RANBP17: variants seen among roughly 807,000 people sequenced by gnomAD.
RANBP17 encodes ran-binding protein 17.
Under a neutral mutation model 141.2 loss-of-function variants are expected in RANBP17, and 158 were observed. The observed-to-expected ratio is 1.12, with a 90% CI of 0.98 to 1.28. The LOEUF is 1.28. Ranked by LOEUF, RANBP17 falls within the 50% of genes most tolerant of loss-of-function variation. The pLI is 0.00. For synonymous variants in RANBP17, 430 were observed against 450.0 expected (o/e 0.96, Z 0.56); for missense variants, 1,438 against 1,290.7 (o/e 1.11, Z -1.75).
intron 14 of RANBP17, among the ~76,000 whole-genome samples, chr5:171,126,676 G>C (rs1581691448): frequency 6.6e-6 from 1 of 152,086 alleles, no homozygotes; most frequent in South Asian, 2.1e-4. Flanking sequence ...AGGATCATTT[G>C]AGACCATTAT....
chr5:171,098,423 C>T (rs1786861682), intron 14 of RANBP17, among the ~76,000 whole-genome samples: 1 of 152,162 alleles, frequency 6.6e-6, no homozygotes, highest in Non-Finnish European at 1.5e-5. Flanking sequence ...TTGTTGGCCA[C>T]ATAAATTTCT....
chr5:170,883,275 A>G (rs1044599324), intron 3 of RANBP17, among the ~76,000 whole-genome samples: 2 of 152,240 alleles, frequency 1.3e-5, no homozygotes, highest in African/African-American at 4.8e-5. Context: ...CATCTTTTAA[A>G]TAGACTTAAT....
intron 14 of RANBP17, among the ~76,000 whole-genome samples, chr5:171,148,489 T>G (rs149900715): frequency 6.8e-4 from 104 of 152,300 alleles, no homozygotes; most frequent in African/African-American, 2.4e-3. Context: ...AGTACGAATT[T>G]TTGATAGTAT....
intron 24 of RANBP17, among the ~76,000 whole-genome samples, chr5:171,254,265 AT>A (rs1261388361): frequency 4.1e-5 from 6 of 145,518 alleles, no homozygotes; most frequent in South Asian, 2.2e-4. Flanking sequence ...AAAAAAAAAA[AT>A]TCCTGTAGTT....
chr5:170,923,871 T>A (rs1173359221), intron 11 of RANBP17, among the ~76,000 whole-genome samples: 1 of 152,226 alleles, frequency 6.6e-6, no homozygotes, highest in Non-Finnish European at 1.5e-5. Flanking sequence ...ACTTACCTAT[T>A]AGTTTGAGTA....
intron 14 of RANBP17, among the ~76,000 whole-genome samples, chr5:171,074,015 C>G (rs1784774228): frequency 6.6e-6 from 1 of 152,064 alleles, no homozygotes; most frequent in Non-Finnish European, 1.5e-5. Context: ...ATACTATCCC[C>G]TTCTGGAGGT....
chr5:171,020,779 G>A (rs1780798489), intron 14 of RANBP17, among the ~76,000 whole-genome samples: 1 of 152,038 alleles, frequency 6.6e-6, no homozygotes, highest in Non-Finnish European at 1.5e-5. Context: ...TACATTTAAG[G>A]TTAATATTGT....
intron 14 of RANBP17, among the ~76,000 whole-genome samples, chr5:171,166,960 T>C (rs1759742817): frequency 6.6e-6 from 1 of 152,168 alleles, no homozygotes; most frequent in Non-Finnish European, 1.5e-5. Context: ...CAGATCCTAG[T>C]AGTGGAGAGA....
intron 1 of RANBP17, 148 bp downstream of exon 1, chr5:170,862,199 A>C: frequency 2.4e-6 from 2 of 830,846 alleles, no homozygotes; most frequent in Non-Finnish European, 3.4e-6. Flanking sequence ...CTCTGCCCCT[A>C]GCCGGGGACC....
chr5:171,073,144 A>T (rs894407661), intron 14 of RANBP17, among the ~76,000 whole-genome samples: 2 of 152,124 alleles, frequency 1.3e-5, no homozygotes, highest in African/African-American at 4.8e-5. Flanking sequence ...TCATTTGTAG[A>T]ATGAACTTTC....
intron 25 of RANBP17, among the ~76,000 whole-genome samples, chr5:171,290,909 T>C (rs1768455945): frequency 6.6e-6 from 1 of 152,232 alleles, no homozygotes; most frequent in South Asian, 2.1e-4. Flanking sequence ...ATGCTTGATA[T>C]ATATCAGAGA....
chr5:171,293,921 C>T lies in RANBP17; in HGVS notation c.2982C>T (p.Asp994=), dbSNP rs1405634575. The part of the protein sequence containing the change: ...SVLMNTIVFE[D]CRNQWSVSRP... The stretch of plus-strand genomic sequence containing the variant: ...TCATGAACACCATTGTCTTTGAAGA[C>T]TGTCGGAACCAGTGGTCAGTATCCA... Residue 994 remains aspartate (D), a synonymous_variant, in exon 26 of 28, where the codon GAC becomes GAT. Transcript: ENST00000523189. 6.2e-7 allele frequency: 1 copy of T among 1,613,798 alleles called. No homozygotes were observed. Among genetic ancestry groups the T allele is most frequent in the Non-Finnish European group, 8.5e-7 (1 of 1,179,836 alleles).
At chr5:170,953,225 T>G (rs1775342248) in intron 12 of RANBP17, among the ~76,000 whole-genome samples, 1 of 152,116 alleles carries the variant, frequency 6.6e-6, no homozygotes, top group African/African-American at 2.4e-5. Context: ...ACAGATCTGG[T>G]CCTAGACAGT....
intron 21 of RANBP17, among the ~76,000 whole-genome samples, chr5:171,219,910 T>C (rs188519055): frequency 1.7e-4 from 26 of 152,182 alleles, no homozygotes; most frequent in Admixed American, 1.0e-3. Context: ...ATCAAACTCA[T>C]TCTCCGTCCA....
chr5:171,081,660 G>A (rs1388715190), intron 14 of RANBP17, among the ~76,000 whole-genome samples: 1 of 152,032 alleles, frequency 6.6e-6, no homozygotes, highest in African/African-American at 2.4e-5. Flanking sequence ...ACTTAGTTTT[G>A]TAATAATAAA....
chr5:170,867,829 G>C lies in RANBP17; in HGVS notation c.18+5778G>C, dbSNP rs139551602. 2.3e-3 allele frequency among the ~76,000 whole-genome samples: 352 copies of C among 152,244 alleles called. 1 individual carries two copies. The highest frequency in any genetic ancestry group is 7.7e-3 in the African/African-American group (318 of 41,532). Reference sequence around the variant, plus strand: ...GCCATATGTATACATCTGTGAAATTGTCACCAAAATCAAGAAAATGAACAT... The same window carrying C: ...GCCATATGTATACATCTGTGAAATTCTCACCAAAATCAAGAAAATGAACAT... On this transcript the variant is annotated intron_variant, in intron 1 of 27. Coordinates refer to ENST00000523189, the MANE Select transcript of RANBP17 (RefSeq NM_022897.5).
intron 27 of RANBP17, among the ~76,000 whole-genome samples, chr5:171,297,749 G>T (rs142455827): frequency 2.0e-5 from 3 of 149,678 alleles, no homozygotes; most frequent in African/African-American, 7.4e-5. Flanking sequence ...TTTAATGAGA[G>T]TAATAGGCAG....
rs111958868 is a variant in RANBP17, at chr5:171,089,821, G to A, written c.1711-80309G>A. Reference sequence around the variant, plus strand: ...AATGCCTCGCCCTGCTTAGGCTCGCGCACGGTGCGTGCACCCACTGGCCTG... The same window carrying A: ...AATGCCTCGCCCTGCTTAGGCTCGCACACGGTGCGTGCACCCACTGGCCTG... On this transcript the variant is annotated intron_variant, in intron 14 of 27. Coordinates refer to ENST00000523189, the MANE Select transcript of RANBP17 (RefSeq NM_022897.5). 9.5e-3 allele frequency among the ~76,000 whole-genome samples: 1,451 copies of A among 152,308 alleles called. 10 individuals carry two copies. The highest frequency in any genetic ancestry group is 0.014 in the Non-Finnish European group (939 of 68,024).
intron 14 of RANBP17, among the ~76,000 whole-genome samples, chr5:171,119,930 T>C (rs1457224787): frequency 6.6e-6 from 1 of 150,798 alleles, no homozygotes; most frequent in Non-Finnish European, 1.5e-5. Flanking sequence ...TCCCAGCTAC[T>C]CGGGAGGCTG....
Sources: gnomAD v4.1 joint callset for allele counts (sites outside exome capture counted in the v4.1 genomes callset) on GRCh38, gnomAD v4.1.1 for gene constraint, MANE v1.5 for transcripts, NCBI Gene and HGNC (gene_info 2026-07-23, HGNC 2026-07-21) for gene names.